The following LTBP2 variants were observed in gnomAD, a reference collection of about 807,000 sequenced individuals.
The protein encoded by LTBP2 is latent transforming growth factor beta binding protein 2, also known as latent-transforming growth factor beta-binding protein 2.
Under a neutral mutation model 210.6 loss-of-function variants are expected in LTBP2, and 103 were observed. The observed-to-expected ratio is 0.49, with a 90% CI of 0.42 to 0.58. The LOEUF (loss-of-function observed/expected upper bound fraction) is 0.58. LTBP2 is among the 20% of genes least tolerant of loss of function. LTBP2 has a pLI of 0.00. For missense variants in LTBP2, 2,313 were observed against 2,494.5 expected (o/e 0.93, Z 1.55); for synonymous variants, 1,007 against 1,015.0 (o/e 0.99, Z 0.15).
chr14:74,540,830 A>ATTAT (rs1555350191), intron 8 of LTBP2, among the ~76,000 whole-genome samples: 1 of 68,646 alleles, frequency 1.5e-5, no homozygotes. Context: ...ATTTTTATAT[A>ATTAT]ATATATATTT....
At chr14:74,528,094 C>T (rs907912047) in intron 12 of LTBP2, among the ~76,000 whole-genome samples, 16 of 152,290 alleles carry the variant, frequency 1.1e-4, no homozygotes, top group Middle Eastern at 3.4e-3. Flanking sequence ...ACTCCAAGGC[C>T]GGGCCAGGGG....
intron 18 of LTBP2, among the ~76,000 whole-genome samples, chr14:74,514,465 C>A (rs115764967): frequency 0.011 from 1,679 of 152,286 alleles, 28 homozygotes; most frequent in African/African-American, 0.039. Flanking sequence ...TCTGTTGGTT[C>A]GCTGGGAGAA....
intron 3 of LTBP2, among the ~76,000 whole-genome samples, chr14:74,574,059 T>C (rs999311501): frequency 2.0e-5 from 3 of 152,142 alleles, no homozygotes; most frequent in Non-Finnish European, 2.9e-5. Flanking sequence ...GCTTATTCAA[T>C]AAGGCTCCAT....
rs1446110883 is a variant in LTBP2 at position 74,503,592 on chromosome 14, G to A, written c.4597C>T (p.Gln1533Ter). The A allele has an allele frequency of 3.1e-6, 5 of 1,613,764 alleles. No homozygotes were observed. Among genetic ancestry groups the A allele is most frequent in the African/African-American group, 1.3e-5 (1 of 75,064 alleles). The change falls in exon 32 of 36, where the codon CAG becomes TAG. Residue 1533 changes from glutamine (Q) to a stop codon, truncating the protein, a stop_gained. Transcript: ENST00000261978. LOFTEE classifies it high-confidence loss of function. ...HKKCEDHDEC[Q>*]DLACENGECV... ...TCGCCATTCTCACAGGCCAGGTCCTGGCACTCATCGTGATCTGGGGAGGCA... is the reference window on the plus strand; with the variant it reads ...TCGCCATTCTCACAGGCCAGGTCCTAGCACTCATCGTGATCTGGGGAGGCA...
Position 74,528,574 on chromosome 14 carries a change from C to T in LTBP2, c.2277G>A (p.Arg759=), listed in dbSNP as rs748254247. Residue 759 remains arginine (R), a synonymous_variant, in exon 12 of 36, where the codon AGG becomes AGA. Transcript: ENST00000261978. ...LARPPREQGQ[R]SSGALPGPAE... ...CTGGCCCGGGCAGTGCCCCGCTGCT[C>T]CTCTGCCCTTGCTCCCTTGGGGGCC... 2.0e-5 allele frequency: 32 copies of T among 1,613,460 alleles called. No homozygotes were observed. The Admixed American group carries it at 3.0e-4, about 15-fold the overall frequency.
chr14:74,589,902 C>T (rs76983569), intron 2 of LTBP2, among the ~76,000 whole-genome samples: 6,606 of 152,226 alleles, frequency 0.043, 219 homozygotes, highest in Non-Finnish European at 0.065. Flanking sequence ...CATGCAGCTT[C>T]CACCTCTGAG....
chr14:74,519,598 G>A (rs1595249346), intron 17 of LTBP2, among the ~76,000 whole-genome samples: 1 of 152,016 alleles, frequency 6.6e-6, no homozygotes, highest in African/African-American at 2.4e-5. Flanking sequence ...TACTTTATGA[G>A]ACTGGGAAGC....
chr14:74,531,686 G>A (rs2139722410), intron 10 of LTBP2, among the ~76,000 whole-genome samples: 1 of 152,358 alleles, frequency 6.6e-6, no homozygotes, highest in African/African-American at 2.4e-5. Context: ...CTGCTGAGCT[G>A]GGCGTGGCCC....
chr14:74,506,546 G>T, intron 27 of LTBP2, 152 bp downstream of exon 27: 1 of 1,276,260 alleles, frequency 7.8e-7, no homozygotes, highest in Non-Finnish European at 1.1e-6. Context: ...GCCCCTGGGC[G>T]AGGAGTTGAA....
At chr14:74,606,298 G>C (rs997081804) in intron 1 of LTBP2, among the ~76,000 whole-genome samples, 4 of 152,188 alleles carry the variant, frequency 2.6e-5, no homozygotes, top group African/African-American at 7.2e-5. Context: ...AAGGCCCCCT[G>C]GCACCCATGT....
chr14:74,542,670 G>A (rs2139735878), intron 8 of LTBP2, among the ~76,000 whole-genome samples: 1 of 152,294 alleles, frequency 6.6e-6, no homozygotes, highest in Non-Finnish European at 1.5e-5. Context: ...TCCCCCAGTA[G>A]GAGTGCAGGT....
intron 2 of LTBP2, among the ~76,000 whole-genome samples, chr14:74,595,435 C>T (rs537612032): frequency 6.6e-6 from 1 of 152,336 alleles, no homozygotes; most frequent in Admixed American, 6.5e-5. Flanking sequence ...TCCATCCCCA[C>T]AGTCCCAAGG....
At position 74,551,073 on chromosome 14, in the gene LTBP2, C is replaced by G. The variant is rs746986458; in HGVS notation, c.1677G>C (p.Val559=). Residue 559 remains valine, a synonymous_variant, in exon 7 of 36, where the codon GTG becomes GTC. Transcript: ENST00000261978. ...GLLGRCYLNT[V]NGQCANPLLE... is the part of the protein sequence containing the mutation. ...AGAGCTGTGTTCTCACCTGTCCGTTCACAGTGTTCAGGTAACACCGGCCCA... is the reference window on the plus strand; with the variant it reads ...AGAGCTGTGTTCTCACCTGTCCGTTGACAGTGTTCAGGTAACACCGGCCCA... 4.3e-6 allele frequency: 7 copies of G among 1,613,730 alleles called. No individual in the cohort carries two copies. The highest frequency in any genetic ancestry group is 4.2e-6 in the Non-Finnish European group (5 of 1,180,034).
intron 2 of LTBP2, among the ~76,000 whole-genome samples, chr14:74,589,115 G>A (rs932496078): frequency 4.6e-5 from 7 of 152,190 alleles, no homozygotes; most frequent in Non-Finnish European, 8.8e-5. Flanking sequence ...CCCTTCCAAA[G>A]CCCACACAGA....
intron 9 of LTBP2, among the ~76,000 whole-genome samples, chr14:74,532,760 A>T (rs1350613839): frequency 6.6e-6 from 1 of 152,244 alleles, no homozygotes; most frequent in Non-Finnish European, 1.5e-5. Flanking sequence ...TGTTAAATGG[A>T]TAAGATCAAA....
chr14:74,505,132 G>A lies in LTBP2; in HGVS notation c.4220C>T (p.Ala1407Val), dbSNP rs2086965454. Residue 1407 changes from alanine to valine, a missense_variant, in exon 29 of 36, where the codon GCC becomes GTC. Physicochemically the swap from Ala to Val is moderately conservative, Grantham distance 64. Coordinates refer to ENST00000261978, the MANE Select transcript of LTBP2 (RefSeq NM_000428.3). ...GGAGTAGCAGTCCATGCGGGTGGGG[G>A]CCGGGGCATGGTCCCCCGTTGGGGC... is the stretch of plus-strand genomic sequence containing the variant. ...SEAPTGDHAPAPTRMDCYSGQ... is the reference protein window; with the variant it reads ...SEAPTGDHAPVPTRMDCYSGQ... 2.5e-6 allele frequency: 4 copies of A among 1,613,606 alleles called. No homozygotes were observed. The East Asian group carries it at 6.7e-5, about 27-fold the overall frequency.
chr14:74,539,067 G>A (rs2139730741), intron 8 of LTBP2, among the ~76,000 whole-genome samples: 1 of 152,372 alleles, frequency 6.6e-6, no homozygotes, highest in South Asian at 2.1e-4. Context: ...CAAGGCTGCT[G>A]CCAGAGGGCT....
At chr14:74,519,847 C>G (rs8016354) in intron 17 of LTBP2, among the ~76,000 whole-genome samples, 43,843 of 152,156 alleles carry the variant, frequency 0.29, 6,798 homozygotes, top group East Asian at 0.38. Flanking sequence ...CAGGCTGGGT[C>G]TGCAAAGAGC....
chr14:74,571,260 G>A (rs1336106039), intron 3 of LTBP2, among the ~76,000 whole-genome samples: 1 of 152,150 alleles, frequency 6.6e-6, no homozygotes, highest in Non-Finnish European at 1.5e-5. Context: ...CTTGAACCTG[G>A]GAGACAGAGG....
Sources: gnomAD v4.1 joint callset for allele counts (sites outside exome capture counted in the v4.1 genomes callset) on GRCh38, gnomAD v4.1.1 for gene constraint, MANE v1.5 for transcripts, NCBI Gene and HGNC (gene_info 2026-07-23, HGNC 2026-07-21) for gene names.